Variants in WDPCP observed in about 807,000 individuals in gnomAD.
WDPCP encodes WD repeat-containing and planar cell polarity effector protein fritz homolog.
WDPCP carries 71 observed loss-of-function variants against 93.1 expected under a neutral mutation model. The ratio of observed to expected loss-of-function variants is 0.76; its 90% CI spans 0.63 to 0.93. The LOEUF (loss-of-function observed/expected upper bound fraction) is 0.93. Ranked by LOEUF, WDPCP falls within the 40% of genes least tolerant of loss-of-function variation. The pLI is 0.00. For missense variants in WDPCP, 844 were observed against 887.4 expected (o/e 0.95, Z 0.62); for synonymous variants, 315 against 315.0 (o/e 1.00, Z 0.00).
intron 2 of WDPCP, among the ~76,000 whole-genome samples, chr2:63,739,025 T>TAAC (rs1669677626): frequency 6.6e-6 from 1 of 152,186 alleles, no homozygotes. Context: ...TTATGTTTAT[T>TAAC]AACATTGTTT....
At chr2:63,587,651 A>C (rs1021202218) in intron 1 of WDPCP, among the ~76,000 whole-genome samples, 1 of 152,232 alleles carries the variant, frequency 6.6e-6, no homozygotes, top group African/African-American at 2.4e-5. Flanking sequence ...CATCCACAAG[A>C]AACAAGCTTT....
At chr2:63,521,043 C>T (rs539696640) in intron 1 of WDPCP, among the ~76,000 whole-genome samples, 1 of 152,068 alleles carries the variant, frequency 6.6e-6, no homozygotes, top group Non-Finnish European at 1.5e-5. Flanking sequence ...ACCTGCCTTA[C>T]AAGAGGTCCT....
intron 9 of WDPCP, among the ~76,000 whole-genome samples, chr2:63,413,351 C>T (rs994373322): frequency 6.6e-6 from 1 of 152,210 alleles, no homozygotes; most frequent in South Asian, 2.1e-4. Context: ...CCTCATCTCT[C>T]ACCTTGTACA....
At chr2:63,336,731 T>C (rs1244323903) in intron 12 of WDPCP, among the ~76,000 whole-genome samples, 1 of 152,008 alleles carries the variant, frequency 6.6e-6, no homozygotes. Context: ...TAATTTAATT[T>C]TTAGGTAAAA....
chr2:63,655,582 T>C (rs1042603659), intron 2 of WDPCP, among the ~76,000 whole-genome samples: 5 of 152,154 alleles, frequency 3.3e-5, no homozygotes, highest in African/African-American at 9.7e-5. Context: ...ATTCACATGA[T>C]TCAAAAGAGA....
intron 6 of WDPCP, among the ~76,000 whole-genome samples, chr2:63,460,115 A>T (rs1698904851): frequency 6.6e-6 from 1 of 152,242 alleles, no homozygotes; most frequent in South Asian, 2.1e-4. Context: ...GAATAAAGAA[A>T]ATGTGGTGTA....
At chr2:63,343,753 T>G (rs1440235772) in intron 12 of WDPCP, among the ~76,000 whole-genome samples, 1 of 152,206 alleles carries the variant, frequency 6.6e-6, no homozygotes, top group African/African-American at 2.4e-5. Flanking sequence ...TGTCCTATTT[T>G]CATGTCCTAT....
chr2:63,523,256 T>C (rs1703072424), intron 1 of WDPCP, among the ~76,000 whole-genome samples: 1 of 152,166 alleles, frequency 6.6e-6, no homozygotes, highest in South Asian at 2.1e-4. Flanking sequence ...AAAGTCAACA[T>C]ACCTTCATGT....
At chr2:63,824,534 T>C (rs1374870444) in intron 1 of WDPCP, among the ~76,000 whole-genome samples, 2 of 82,172 alleles carry the variant, frequency 2.4e-5, no homozygotes, top group African/African-American at 1.1e-4. Flanking sequence ...GGCGACCATG[T>C]TTCAAAAAAA....
chr2:63,734,749 C>T (rs1334402302), intron 2 of WDPCP, among the ~76,000 whole-genome samples: 1 of 152,176 alleles, frequency 6.6e-6, no homozygotes. Context: ...AAATTACTTG[C>T]TAAACCTGCA....
chr2:63,478,931 T>C (rs1169085919), intron 6 of WDPCP, among the ~76,000 whole-genome samples: 2 of 151,284 alleles, frequency 1.3e-5, no homozygotes, highest in African/African-American at 4.9e-5. Context: ...TAAATAAAAT[T>C]GATAGACCAT....
At chr2:63,564,980 T>G (rs1575659468) in intron 1 of WDPCP, among the ~76,000 whole-genome samples, 1 of 152,176 alleles carries the variant, frequency 6.6e-6, no homozygotes, top group Non-Finnish European at 1.5e-5. Flanking sequence ...TGTTTCACCA[T>G]ATTAGCCAGG....
At chr2:63,352,218 T>C (rs951023938) in intron 12 of WDPCP, among the ~76,000 whole-genome samples, 6 of 152,222 alleles carry the variant, frequency 3.9e-5, no homozygotes, top group Non-Finnish European at 5.9e-5. Flanking sequence ...ATTCTATAGA[T>C]TGTCTGTTTA....
intron 1 of WDPCP, among the ~76,000 whole-genome samples, chr2:63,547,885 T>A (rs543695130): frequency 4.2e-4 from 64 of 152,204 alleles, no homozygotes; most frequent in African/African-American, 1.4e-3. Context: ...GTAGAATGAC[T>A]ATACTTAACA....
intron 6 of WDPCP, among the ~76,000 whole-genome samples, chr2:63,446,877 G>T (rs1448075863): frequency 6.6e-6 from 1 of 152,106 alleles, no homozygotes; most frequent in Non-Finnish European, 1.5e-5. Context: ...TCAGTCTCTT[G>T]AATAACTTAT....
At chr2:63,601,695 G>A (rs2106620000) in intron 3 of WDPCP, among the ~76,000 whole-genome samples, 1 of 152,266 alleles carries the variant, frequency 6.6e-6, no homozygotes, top group African/African-American at 2.4e-5. Flanking sequence ...GAGGAGGAGG[G>A]CAACAAGAAC....
intron 13 of WDPCP, among the ~76,000 whole-genome samples, chr2:63,297,397 A>G (rs1271720745): frequency 6.6e-6 from 1 of 152,172 alleles, no homozygotes; most frequent in African/African-American, 2.4e-5. Context: ...CAACAGGATC[A>G]TTCTCAGGGT....
intron 14 of WDPCP, among the ~76,000 whole-genome samples, chr2:63,218,158 T>C (rs890008330): frequency 1.3e-5 from 2 of 152,202 alleles, no homozygotes; most frequent in African/African-American, 2.4e-5. Context: ...ACTACCCTTA[T>C]TGAAATTTAG....
intron 1 of WDPCP, among the ~76,000 whole-genome samples, chr2:63,504,812 A>C (rs1228004206): frequency 6.6e-6 from 1 of 152,090 alleles, no homozygotes; most frequent in Non-Finnish European, 1.5e-5. Flanking sequence ...TTAAATTAGT[A>C]TATCAATAGT....
Sources: allele counts gnomAD v4.1 joint callset (sites outside exome capture counted in the v4.1 genomes callset), GRCh38; gene constraint gnomAD v4.1.1; transcripts MANE v1.5; gene names NCBI Gene and HGNC (gene_info 2026-07-23, HGNC 2026-07-21).